WDR41: variants seen among roughly 807,000 people sequenced by gnomAD.
WDR41 encodes WD repeat domain 41, also known as WD repeat-containing protein 41.
Under a neutral mutation model 69.3 loss-of-function variants are expected in WDR41, and 63 were observed. That is an observed-to-expected ratio of 0.91 (90% CI 0.74 to 1.12). WDR41 has a LOEUF of 1.12. Ranked by LOEUF, WDR41 falls within the 50% of genes most tolerant of loss-of-function variation. WDR41 has a pLI of 0.00. For missense variants in WDR41, 543 were observed against 534.5 expected (o/e 1.02, Z -0.16); for synonymous variants, 185 against 192.1 (o/e 0.96, Z 0.31).
At chr5:77,607,338 C>G (rs183150552) in intron 1 of WDR41, among the ~76,000 whole-genome samples, 62 of 152,180 alleles carry the variant, frequency 4.1e-4, no homozygotes, top group African/African-American at 1.4e-3. Context: ...AGATGTGAGA[C>G]AGAAGAAGAA....
At chr5:77,569,497 A>G (rs118002980) in intron 1 of WDR41, among the ~76,000 whole-genome samples, 1 of 152,246 alleles carries the variant, frequency 6.6e-6, no homozygotes, top group East Asian at 1.9e-4. Context: ...CTCTCATGGA[A>G]CTCAGGTTGC....
At chr5:77,510,011 C>T (rs1254555151) in intron 1 of WDR41, among the ~76,000 whole-genome samples, 1 of 152,152 alleles carries the variant, frequency 6.6e-6, no homozygotes, top group African/African-American at 2.4e-5. Flanking sequence ...TTTGGATCCC[C>T]TCCCCCTTTC....
intron 1 of WDR41, among the ~76,000 whole-genome samples, chr5:77,615,023 A>T (rs1276353474): frequency 6.6e-6 from 1 of 152,136 alleles, no homozygotes; most frequent in Non-Finnish European, 1.5e-5. Context: ...TAGAAAGAAG[A>T]TCAGTGGCTG....
At chr5:77,491,120 GC>G in intron 1 of WDR41, 1 of 387,858 alleles carries the variant, frequency 2.6e-6, no homozygotes, top group South Asian at 1.8e-5. Flanking sequence ...AAAATGCCCT[GC>G]CCCGCCTTAA....
chr5:77,585,454 G>C lies in WDR41; in HGVS notation c.42+35025C>G, dbSNP rs189854055. On this transcript the variant is annotated intron_variant, in intron 1 of 5. Coordinates refer to the WDR41 transcript ENST00000509971. ...ACTAAAAGTAGAACTACCATTTGAT[G>C]CAGCAATCCCACTACTGGATATCTA... 2.2e-3 allele frequency among the ~76,000 whole-genome samples: 328 copies of C among 152,260 alleles called. 2 individuals carry two copies. Among genetic ancestry groups the C allele is most frequent in the African/African-American group, 7.7e-3 (318 of 41,548 alleles).
intron 12 of WDR41, 137 bp downstream of exon 12, chr5:77,436,124 C>A: frequency 8.7e-7 from 1 of 1,150,328 alleles, no homozygotes; most frequent in Non-Finnish European, 1.2e-6. Flanking sequence ...ATAGCCTATC[C>A]CATTCCATGT....
intron 1 of WDR41, among the ~76,000 whole-genome samples, chr5:77,594,423 T>C (rs1744189453): frequency 6.6e-6 from 1 of 151,946 alleles, no homozygotes; most frequent in Admixed American, 6.6e-5. Flanking sequence ...ATAAAAAATG[T>C]ATATATAAAA....
chr5:77,438,253 T>G lies in WDR41; in HGVS notation c.991A>C (p.Arg331=). 6.2e-7 allele frequency: 1 copy of G among 1,614,024 alleles called. No homozygotes were observed. The highest frequency in any genetic ancestry group is 8.5e-7 in the Non-Finnish European group (1 of 1,179,878). The change falls in exon 10 of 13, where the codon AGA becomes CGA. Residue 331 remains arginine (R), a synonymous_variant. Coordinates refer to ENST00000296679, the MANE Select transcript of WDR41 (RefSeq NM_018268.4). The part of the protein sequence containing the change: ...AHDSNVLHVA[R]LPNRQLISCS... ...GGGAACTTGTACCTGTTTGGAAGTC[T>G]GGCAACGTGCAGGACATTGGAGTCA...
chr5:77,558,600 C>T (rs1019890337), intron 1 of WDR41, among the ~76,000 whole-genome samples: 2 of 152,146 alleles, frequency 1.3e-5, no homozygotes, highest in African/African-American at 2.4e-5. Flanking sequence ...CATTTGTTTA[C>T]GCTATTAAAC....
chr5:77,469,824 G>C (rs1800489116), intron 2 of WDR41, among the ~76,000 whole-genome samples: 1 of 152,110 alleles, frequency 6.6e-6, no homozygotes, highest in South Asian at 2.1e-4. Flanking sequence ...AAAGTGACAG[G>C]GAGAATGGAA....
At chr5:77,511,228 C>T (rs902154118) in intron 1 of WDR41, among the ~76,000 whole-genome samples, 1 of 151,920 alleles carries the variant, frequency 6.6e-6, no homozygotes, top group Admixed American at 6.6e-5. Context: ...CAAATACAAC[C>T]AGTTCATTCT....
chr5:77,520,166 AT>A (rs201462733), intron 1 of WDR41, among the ~76,000 whole-genome samples: 1,630 of 152,266 alleles, frequency 0.011, 32 homozygotes, highest in African/African-American at 0.037. Flanking sequence ...TTTAGAATGG[AT>A]TGATTAAATA....
At chr5:77,561,255 G>T (rs943090227) in intron 1 of WDR41, among the ~76,000 whole-genome samples, 2 of 152,072 alleles carry the variant, frequency 1.3e-5, no homozygotes, top group Non-Finnish European at 2.9e-5. Flanking sequence ...TACTATGCTA[G>T]TTCAATTATG....
intron 2 of WDR41, among the ~76,000 whole-genome samples, chr5:77,471,877 G>A (rs1581736620): frequency 6.6e-6 from 1 of 152,122 alleles, no homozygotes; most frequent in East Asian, 1.9e-4. Flanking sequence ...CATTCCTTCT[G>A]AAACTACTCC....
chr5:77,442,421 C>CG (rs1799200920), intron 8 of WDR41, among the ~76,000 whole-genome samples: 1 of 151,876 alleles, frequency 6.6e-6, no homozygotes, highest in African/African-American at 2.4e-5. Flanking sequence ...AACAGTAAAC[C>CG]ATATTAATAC....
chr5:77,461,398 A>C (rs763620203), intron 4 of WDR41, among the ~76,000 whole-genome samples: 1 of 152,204 alleles, frequency 6.6e-6, no homozygotes, highest in Non-Finnish European at 1.5e-5. Flanking sequence ...AAAGCACTTC[A>C]GTTGATGAAC....
chr5:77,552,465 C>G (rs2112243278), intron 1 of WDR41, among the ~76,000 whole-genome samples: 2 of 152,272 alleles, frequency 1.3e-5, no homozygotes, highest in African/African-American at 4.8e-5. Flanking sequence ...CAATTCTCCC[C>G]AAATTGGTCT....
At chr5:77,551,736 G>T (rs1395862054) in intron 1 of WDR41, among the ~76,000 whole-genome samples, 1 of 151,360 alleles carries the variant, frequency 6.6e-6, no homozygotes, top group East Asian at 2.0e-4. Context: ...CCAGCACTTT[G>T]GGAGGCCGAG....
rs113404701 is a variant in WDR41 at position 77,459,199 on chromosome 5, A to G, written c.349-75T>C. On this transcript the variant is annotated intron_variant, in intron 4 of 12. Transcript: ENST00000296679. ...TTATAACTTTTCTAATTAACAATTA[A>G]GCCACAAATGTTAAGCAGTTAGAAA... 4.0e-3 allele frequency: 4,428 copies of G among 1,096,742 alleles called. 118 individuals carry two copies. The African/African-American group carries it at 0.063, about 16-fold the overall frequency. The allele number at this position is 1,096,742 out of a possible 1,614,324, so 67.9% of individuals were successfully genotyped here. A position where few individuals can be genotyped will look rare whatever the true frequency, so the allele number is the denominator to read the frequency against.
Sources: allele counts gnomAD v4.1 joint callset (sites outside exome capture counted in the v4.1 genomes callset), GRCh38; gene constraint gnomAD v4.1.1; transcripts MANE v1.5; gene names NCBI Gene and HGNC (gene_info 2026-07-23, HGNC 2026-07-21).